SETD1B: variants seen among roughly 807,000 people sequenced by gnomAD.
SETD1B encodes SET domain containing 1B, histone lysine methyltransferase, also known as histone-lysine N-methyltransferase SETD1B.
A neutral mutation model predicts 148.0 loss-of-function variants in SETD1B; 7 were observed. The observed-to-expected ratio is 0.05, with a 90% CI of 0.03 to 0.09. The LOEUF (loss-of-function observed/expected upper bound fraction) is 0.09, where lower values mean the gene tolerates loss of function less well. SETD1B is among the 10% of genes least tolerant of loss of function. SETD1B has a pLI of 1.00. For missense variants in SETD1B, 2,155 were observed against 2,729.9 expected (o/e 0.79, Z 4.69); for synonymous variants, 1,361 against 1,186.5 (o/e 1.15, Z -3.02).
intron 16 of SETD1B, among the ~76,000 whole-genome samples, chr12:121,829,392 G>T (rs2137592720): frequency 6.6e-6 from 1 of 152,282 alleles, no homozygotes; most frequent in Middle Eastern, 3.4e-3. Flanking sequence ...CCCTGGTTGG[G>T]GCCAGATCTG....
chr12:121,790,239 A>G, the SETD1B span, among the ~76,000 whole-genome samples: 1 of 152,226 alleles, frequency 6.6e-6, no homozygotes, highest in Non-Finnish European at 1.5e-5. Flanking sequence ...GGAGAAATTC[A>G]GCCTCTGAGA....
At chr12:121,796,211 G>C in the SETD1B span, 1 of 152,690 alleles carries the variant, frequency 6.5e-6, no homozygotes, top group African/African-American at 2.4e-5. Flanking sequence ...TTGAGGGCCT[G>C]AGTCACTCCC....
rs2137560347 is a variant in SETD1B at position 121,814,285 on chromosome 12, GC to G, written c.2078del (p.Pro693HisfsTer31). Reference sequence around the variant, plus strand: ...CCCCGCCACCTGGCTTCCCCCCGCTGCCCCCCCCACCACCACCACCCCCACC... The same window carrying G: ...CCCCGCCACCTGGCTTCCCCCCGCTGCCCCCCCACCACCACCACCCCCACC... ...LPPPPGFPPL[P>X]PPPPPPPPQP... On this transcript the variant is annotated frameshift_variant, in exon 7 of 17. Transcript: ENST00000604567. LOFTEE classifies it high-confidence loss of function. 4.3e-5 allele frequency: 39 copies of G among 913,624 alleles called. No individual in the cohort carries two copies. The highest frequency in any genetic ancestry group is 3.8e-4 in the Middle Eastern group (1 of 2,602). The allele number at this position is 913,624 out of a possible 1,614,324, so 56.6% of individuals were successfully genotyped here. A position where few individuals can be genotyped will look rare whatever the true frequency, so the allele number is the denominator to read the frequency against.
At chr12:121,812,946 C>G (rs1250052258) in intron 6 of SETD1B, among the ~76,000 whole-genome samples, 1 of 152,046 alleles carries the variant, frequency 6.6e-6, no homozygotes, top group Non-Finnish European at 1.5e-5. Flanking sequence ...CACCTCCACC[C>G]CCACTCCCCC....
chr12:121,813,884 TG>T (rs1482528624), intron 6 of SETD1B, among the ~76,000 whole-genome samples: 3 of 152,140 alleles, frequency 2.0e-5, no homozygotes, highest in Non-Finnish European at 4.4e-5. Context: ...AGCAAATGTT[TG>T]TTGAATTGGA....
chr12:121,811,930 A>AG (rs374713589), intron 6 of SETD1B, among the ~76,000 whole-genome samples: 125 of 152,002 alleles, frequency 8.2e-4, no homozygotes, highest in African/African-American at 2.7e-3. Context: ...GTGCAGCTGT[A>AG]GGGGGGCCGC....
rs765575606 is a variant in SETD1B, at chr12:121,823,072, C to G, written c.4493C>G (p.Thr1498Ser). ...AVLRAQARAP[T>S]PLPPLLPAPL... ...TTGCGGGCCCAGGCTCGTGCGCCCA[C>G]CCCGCTGCCACCCCTGCTGCCCGCC... Residue 1498 changes from threonine (T) to serine (S), a missense_variant, in exon 12 of 17, where the codon ACC (threonine) becomes AGC (serine). Thr to Ser is a moderately conservative substitution (Grantham distance 58). This residue lies in a region of SETD1B where 862 missense variants were observed against 873.8 expected (regional missense o/e 0.99). Transcript: ENST00000604567. 1.7e-5 allele frequency: 26 copies of G among 1,508,226 alleles called. No homozygotes were observed. The South Asian group carries it at 3.1e-4, about 18-fold the overall frequency. 93.4% of individuals were successfully genotyped at this position (1,508,226 alleles called of 1,614,324 possible). A position where few individuals can be genotyped will look rare whatever the true frequency, so the allele number is the denominator to read the frequency against.
intron 4 of SETD1B, among the ~76,000 whole-genome samples, chr12:121,807,783 A>G (rs887862556): frequency 6.6e-6 from 1 of 151,914 alleles, no homozygotes; most frequent in Non-Finnish European, 1.5e-5. Flanking sequence ...CTGGCCCCAG[A>G]TATTTAACAA....
intron 12 of SETD1B, among the ~76,000 whole-genome samples, chr12:121,824,060 C>T (rs1411266743): frequency 1.3e-5 from 2 of 152,230 alleles, no homozygotes; most frequent in Non-Finnish European, 2.9e-5. Flanking sequence ...GCCTCCTTGT[C>T]CTGTCCCCTT....
the SETD1B span, chr12:121,793,317 C>G: frequency 6.9e-7 from 1 of 1,458,264 alleles, no homozygotes; most frequent in South Asian, 1.2e-5. Flanking sequence ...CTGTCCACCC[C>G]CCTCACTCGT....
At chr12:121,823,793 G>T in intron 12 of SETD1B, 44 bp downstream of exon 12, 1 of 1,501,726 alleles carries the variant, frequency 6.7e-7, no homozygotes, top group South Asian at 1.3e-5. Flanking sequence ...TGGGATGCAG[G>T]AAGTCCCTGC....
At chr12:121,827,260 A>G (rs1006240278) in intron 13 of SETD1B, among the ~76,000 whole-genome samples, 19 of 152,108 alleles carry the variant, frequency 1.2e-4, no homozygotes, top group Non-Finnish European at 2.2e-4. Context: ...AGGGTAGACA[A>G]AACTTTCGGC....
chr12:121,827,242 A>T lies in SETD1B; in HGVS notation c.5338-277A>T, dbSNP rs566963041. 2.5e-3 allele frequency among the ~76,000 whole-genome samples: 383 copies of T among 152,144 alleles called. 8 individuals carry two copies. The highest frequency in any genetic ancestry group is 6.0e-4 in the Non-Finnish European group (41 of 67,980). ...AGAGGGGTCTGGGTGAGAGCCAAGG[A>T]GGGGGTCAGGGTAGACAAAACTTTC... On this transcript the variant is annotated intron_variant, in intron 13 of 16. Coordinates refer to ENST00000604567, the MANE Select transcript of SETD1B (RefSeq NM_001353345.2).
intron 10 of SETD1B, among the ~76,000 whole-genome samples, 154 bp from the exon 11 acceptor site, chr12:121,819,250 A>T (rs1022908500): frequency 6.6e-6 from 1 of 152,214 alleles, no homozygotes; most frequent in Non-Finnish European, 1.5e-5. Context: ...AAAAAAAGAA[A>T]AAAAAGACTC....
chr12:121,825,436 AGGG>A, intron 13 of SETD1B, 70 bp downstream of exon 13: 1 of 1,212,574 alleles, frequency 8.2e-7, no homozygotes, highest in Non-Finnish European at 1.1e-6. Context: ...GCACTCATGG[AGGG>A]GTGCCAGGCA....
Position 121,804,776 on chromosome 12 carries a change from G to A in SETD1B, c.39G>A (p.Gln13=). 1 of 1,548,354 alleles carries A rather than the reference G, an allele frequency of 6.5e-7. No individual in the cohort carries two copies. The highest frequency in any genetic ancestry group is 2.0e-5 in the Admixed American group (1 of 50,584). ...NSHPPHHHHQ[Q]PPPQPGPSGE... is the part of the protein sequence containing the mutation. ...ACCCCCCCCACCACCACCACCAGCA[G>A]CCCCCGCCGCAGCCCGGCCCTTCGG... Residue 13 remains glutamine, a synonymous_variant, in exon 2 of 17, where the codon CAG becomes CAA. Transcript: ENST00000604567. This position sits in a 1 kb window ranked among gnomAD's most constrained non-coding sequence, Gnocchi z 4.6.
intron 12 of SETD1B, 41 bp from the exon 13 acceptor site, chr12:121,825,159 G>C (rs762271228): frequency 9.7e-6 from 15 of 1,544,186 alleles, no homozygotes; most frequent in Non-Finnish European, 1.3e-5. Flanking sequence ...GGACCAGAAG[G>C]GGCTCTCAGA....
chr12:121,810,591 A>G lies in SETD1B; in HGVS notation c.1646A>G (p.Asn549Ser), dbSNP rs920579815. 7.8e-6 allele frequency: 12 copies of G among 1,547,330 alleles called. No homozygotes were observed. In the African/African-American group the frequency reaches 1.1e-4, roughly 14 times the overall value. Residue 549 changes from asparagine (N) to serine (S), a missense_variant, in exon 6 of 17, where the codon AAC (asparagine) becomes AGC (serine). Transcript: ENST00000604567. This position sits in a 1 kb window ranked among gnomAD's most constrained non-coding sequence, Gnocchi z 7.6. Reference protein sequence around the residue: ...QLSPLAPFGTNSQPGFRGPTP... With the variant: ...QLSPLAPFGTSSQPGFRGPTP... ...TCCCCACTGGCCCCCTTTGGCACCA[A>G]CTCCCAGCCAGGCTTCCGGGGCCCC...
At chr12:121,811,340 C>T (rs1477444268) in intron 6 of SETD1B, among the ~76,000 whole-genome samples, 1 of 151,922 alleles carries the variant, frequency 6.6e-6, no homozygotes, top group African/African-American at 2.4e-5. Flanking sequence ...GAGCCTGGTG[C>T]CCTCTGAAGA....
Sources: allele counts gnomAD v4.1 joint callset (sites outside exome capture counted in the v4.1 genomes callset), GRCh38; gene constraint gnomAD v4.1.1; regional missense constraint gnomAD v4.1.1; non-coding constraint Gnocchi (gnomAD v3.1); transcripts MANE v1.5; gene names NCBI Gene and HGNC (gene_info 2026-07-23, HGNC 2026-07-21).